PSMC3IP: variants seen among roughly 807,000 people sequenced by gnomAD.
PSMC3IP encodes PSMC3 interacting protein.
Under a neutral mutation model 34.9 loss-of-function variants are expected in PSMC3IP, and 26 were observed. The observed-to-expected ratio is 0.74, with a 90% confidence interval of 0.55 to 1.03. The LOEUF (loss-of-function observed/expected upper bound fraction) is 1.03. PSMC3IP is among the 50% of genes least tolerant of loss of function. PSMC3IP has a pLI of 0.00. For missense variants in PSMC3IP, 250 were observed against 263.1 expected, an observed-to-expected ratio of 0.95 and a Z score of 0.34; for synonymous variants, 87 against 96.5, an observed-to-expected ratio of 0.90 and a Z score of 0.57.
chr17:42,573,446 C>T, intron 5 of PSMC3IP, 32 bp downstream of exon 5: 1 of 1,614,198 alleles, frequency 6.2e-7, no homozygotes, highest in South Asian at 1.1e-5. Flanking sequence ...CACTCTGGAC[C>T]TGCACAGCGG....
At position 42,573,177 on chromosome 17, in the gene PSMC3IP, A is replaced by C; in HGVS notation, c.538-11T>G. Reference sequence around the variant, plus strand: ...AGACAGCTCTGTAGCCTGACAAGAAATAAAACCACCCGTTTTCAGATGGGC... The same window carrying C: ...AGACAGCTCTGTAGCCTGACAAGAACTAAAACCACCCGTTTTCAGATGGGC... On this transcript the variant is annotated splice_polypyrimidine_tract_variant and intron_variant, in intron 6 of 7. Coordinates refer to ENST00000393795, the MANE Select transcript of PSMC3IP (RefSeq NM_016556.4). The C allele has an allele frequency of 1.2e-6, 2 of 1,614,242 alleles. No homozygotes were observed. Among genetic ancestry groups the C allele is most frequent in the East Asian group, 4.5e-5 (2 of 44,884 alleles).
intron 2 of PSMC3IP, 36 bp from the exon 3 acceptor site, chr17:42,577,338 C>G (rs776324954): frequency 1.2e-6 from 2 of 1,612,334 alleles, no homozygotes; most frequent in Non-Finnish European, 1.7e-6. Flanking sequence ...TCAGAGGAGT[C>G]TGAGCCTGGG....
At chr17:42,577,342 G>C (rs759132933) in intron 2 of PSMC3IP, 40 bp from the exon 3 acceptor site, 1 of 1,610,744 alleles carries the variant, frequency 6.2e-7, no homozygotes, top group African/African-American at 1.3e-5. Flanking sequence ...AGGAGTCTGA[G>C]CCTGGGTCTG....
At chr17:42,575,172 T>C (rs954656582) in intron 3 of PSMC3IP, among the ~76,000 whole-genome samples, 9 of 152,102 alleles carry the variant, frequency 5.9e-5, no homozygotes, top group East Asian at 3.9e-4. Context: ...TCACATCAGT[T>C]GGTGATGGGG....
At chr17:42,576,386 C>T (rs1373665905) in intron 3 of PSMC3IP, among the ~76,000 whole-genome samples, 2 of 152,068 alleles carry the variant, frequency 1.3e-5, no homozygotes, top group Non-Finnish European at 2.9e-5. Context: ...ATTCTGACTG[C>T]AATGTTTAAG....
chr17:42,573,658 C>A, intron 4 of PSMC3IP, 35 bp from the exon 5 acceptor site: 1 of 1,611,116 alleles, frequency 6.2e-7, no homozygotes, highest in Non-Finnish European at 8.5e-7. Flanking sequence ...ACTTGCTACC[C>A]CTGAGGAAGG....
In PSMC3IP at chr17:42,573,106, C is replaced by T. The variant is rs760320035; in HGVS notation, c.597+1G>A. ...CAAAGAAGGAAGAGAGCTCCACTTA[C>T]AAAGAACTGCTTCTTGCTCTTGGGG... On this transcript the variant is annotated splice_donor_variant, in intron 7 of 7. Coordinates refer to ENST00000393795, the MANE Select transcript of PSMC3IP (RefSeq NM_016556.4). LOFTEE classifies it high-confidence loss of function. The T allele has an allele frequency of 2.5e-6, 4 of 1,614,234 alleles. No homozygotes were observed. Among genetic ancestry groups the T allele is most frequent in the Non-Finnish European group, 3.4e-6 (4 of 1,180,030 alleles).
Position 42,572,971 on chromosome 17 carries a change from G to C in PSMC3IP, c.651C>G (p.Pro217=). 6.2e-7 allele frequency: 1 copy of C among 1,614,120 alleles called. No individual in the cohort carries two copies. The highest frequency in any genetic ancestry group is 8.5e-7 in the Non-Finnish European group (1 of 1,179,986). Residue 217 remains proline (P), a synonymous_variant, in exon 8 of 8, where the codon CCC becomes CCG. Transcript: ENST00000393795. ...DEDYNVTLPD[P] ...ACCAGTCCTGACCGTGGGCCCCTCA[G>C]GGGTCTGGGAGTGTGACGTTGTAAT...
In PSMC3IP at chr17:42,577,253, T is replaced by C. The variant is rs763981894; in HGVS notation, c.185A>G (p.Glu62Gly). Residue 62 changes from glutamate (E) to glycine (G), a missense_variant, in exon 3 of 8, where the codon GAG becomes GGG. Transcript: ENST00000393795. ...GATCTTCTGCTTGCCGTACATCTTCTCTTTGATCTTGCCTTGTTGCGCCAG... is the reference window on the plus strand; with the variant it reads ...GATCTTCTGCTTGCCGTACATCTTCCCTTTGATCTTGCCTTGTTGCGCCAG... ...EQLAQQGKIK[E>G]KMYGKQKIYF... 1.2e-6 allele frequency: 2 copies of C among 1,614,112 alleles called. No individual in the cohort carries two copies. The highest frequency in any genetic ancestry group is 8.5e-7 in the Non-Finnish European group (1 of 1,180,014).
chr17:42,576,731 T>C (rs183356614), intron 3 of PSMC3IP: 2 of 200,640 alleles, frequency 1.0e-5, no homozygotes, highest in South Asian at 6.9e-5. Context: ...CTGGTTTGGG[T>C]GAAGAGTAAT....
intron 3 of PSMC3IP, 48 bp from the exon 4 acceptor site, chr17:42,574,258 A>G: frequency 6.3e-7 from 1 of 1,589,444 alleles, no homozygotes; most frequent in Non-Finnish European, 8.6e-7. Context: ...TGAGGCACAA[A>G]GATGGGAACA....
Position 42,576,485 on chromosome 17 carries a change from G to A in PSMC3IP, c.225+728C>T, listed in dbSNP as rs191988988. 1.1e-4 allele frequency among the ~76,000 whole-genome samples: 16 copies of A among 152,220 alleles called. No individual in the cohort carries two copies. In the East Asian group the frequency reaches 3.1e-3, roughly 29 times the overall value. ...GTGAACTAGAGCAACCATGGCAGATGGAAAGGAGAGTGGATTCAAGAATGG... is the reference window on the plus strand; with the variant it reads ...GTGAACTAGAGCAACCATGGCAGATAGAAAGGAGAGTGGATTCAAGAATGG... On this transcript the variant is annotated intron_variant, in intron 3 of 7. Coordinates refer to ENST00000393795, the MANE Select transcript of PSMC3IP (RefSeq NM_016556.4).
At chr17:42,574,357 C>T (rs1052523249) in intron 3 of PSMC3IP, 147 bp from the exon 4 acceptor site, 2 of 1,490,226 alleles carry the variant, frequency 1.3e-6, no homozygotes, top group Non-Finnish European at 1.8e-6. Context: ...TGGGAGAGTA[C>T]TTTTGAGAAA....
In PSMC3IP at chr17:42,574,594, A is replaced by C. The variant is rs74252741; in HGVS notation, c.226-384T>G. Among the ~76,000 whole-genome samples the C allele has an allele frequency of 2.6e-5, 4 of 152,152 alleles. No homozygotes were observed. In the East Asian group the frequency reaches 7.7e-4, roughly 29 times the overall value. ...ATAGATAGAAACTGGACAGGTGAAG[A>C]AGCATGATGGATGGGATGGATGGAC... On this transcript the variant is annotated intron_variant, in intron 3 of 7. Coordinates refer to ENST00000393795, the MANE Select transcript of PSMC3IP (RefSeq NM_016556.4).
In PSMC3IP at chr17:42,577,018, TC is replaced by T. The variant is rs796914650; in HGVS notation, c.225+194del. On this transcript the variant is annotated intron_variant, in intron 3 of 7. Coordinates refer to ENST00000393795, the MANE Select transcript of PSMC3IP (RefSeq NM_016556.4). Reference sequence around the variant, plus strand: ...AGCAACAATACAGAATCTTCTGTCATCCATCATATTGTAAATCTGGAAACCT... The same window carrying T: ...AGCAACAATACAGAATCTTCTGTCATCATCATATTGTAAATCTGGAAACCT... The T allele has an allele frequency of 6.3e-5, 83 of 1,319,838 alleles. No individual in the cohort carries two copies. In the African/African-American group the frequency reaches 1.2e-3, roughly 19 times the overall value. 81.8% of individuals were successfully genotyped at this position (1,319,838 alleles called of 1,614,324 possible).
chr17:42,573,896 G>A, intron 4 of PSMC3IP: 1 of 1,531,906 alleles, frequency 6.5e-7, no homozygotes, highest in Non-Finnish European at 8.7e-7. Flanking sequence ...TCGTGGCAGG[G>A]AGAACAAATG....
At chr17:42,577,818 C>T (rs754293357), upstream of PSMC3IP, 2 of 1,068,350 alleles carry the variant, frequency 1.9e-6, no homozygotes, top group Admixed American at 1.9e-5. Flanking sequence ...GCAAAGCGAC[C>T]CCTCCCGGAC....
chr17:42,577,091 G>C (rs2093079884), intron 3 of PSMC3IP, 122 bp downstream of exon 3: 2 of 1,555,986 alleles, frequency 1.3e-6, no homozygotes, highest in South Asian at 2.4e-5. Context: ...TTGATTTAAG[G>C]ATGGTGGCCT....
chr17:42,573,789 T>A, intron 4 of PSMC3IP, 166 bp from the exon 5 acceptor site: 1 of 1,512,728 alleles, frequency 6.6e-7, no homozygotes, highest in African/African-American at 1.4e-5. Flanking sequence ...TCCTCCTCCA[T>A]CTACAAGTGG....
Sources: gnomAD v4.1 joint callset for allele counts (sites outside exome capture counted in the v4.1 genomes callset) on GRCh38, gnomAD v4.1.1 for gene constraint, MANE v1.5 for transcripts, NCBI Gene and HGNC (gene_info 2026-07-23, HGNC 2026-07-21) for gene names.